The following PCCA variants were observed in gnomAD, a reference collection of about 807,000 sequenced individuals.
PCCA encodes propionyl-CoA carboxylase alpha chain, mitochondrial.
PCCA carries 74 observed loss-of-function variants against 101.3 expected under a neutral mutation model. The observed-to-expected ratio is 0.73, with a 90% CI of 0.61 to 0.89. PCCA has a LOEUF of 0.89. Among genes scored for constraint, PCCA ranks in the 40% least tolerant of loss-of-function variants. The pLI, the probability that PCCA is intolerant of heterozygous loss-of-function variation, is 0.00. For missense variants in PCCA, 891 were observed against 907.0 expected, an observed-to-expected ratio of 0.98 and a Z score of 0.23; for synonymous variants, 294 against 313.6, an observed-to-expected ratio of 0.94 and a Z score of 0.66.
chr13:100,336,987 C>G (rs751812855), intron 17 of PCCA, among the ~76,000 whole-genome samples: 50 of 151,992 alleles, frequency 3.3e-4, no homozygotes, highest in East Asian at 1.9e-4. Flanking sequence ...CACATGCACC[C>G]AGCAGCACCT....
At chr13:100,472,241 C>A (rs1256282940) in intron 21 of PCCA, among the ~76,000 whole-genome samples, 1 of 152,080 alleles carries the variant, frequency 6.6e-6, no homozygotes, top group Admixed American at 6.6e-5. Context: ...AACTTTTCCA[C>A]CGCAAGCATG....
chr13:100,194,066 G>T (rs146356658), intron 6 of PCCA, among the ~76,000 whole-genome samples: 1 of 148,930 alleles, frequency 6.7e-6, no homozygotes, highest in East Asian at 2.0e-4. Flanking sequence ...GCAAGCCTCC[G>T]TCTCAAAAAA....
rs752459931 is a variant in PCCA, at chr13:100,425,687, C to T, written c.1801C>T (p.Pro601Ser). ...GACCAGCACGTGGAACCTGGCTTCG[C>T]CCTTATTGTCTGTCAGCGTTGATGG... ...NVTSTWNLAS[P>S]LLSVSVDGTQ... Residue 601 changes from proline (P) to serine (S), a missense_variant, in exon 20 of 24, where the codon CCC (proline) becomes TCC (serine). Transcript: ENST00000376285. 13 of 1,614,034 alleles carry T rather than the reference C, an allele frequency of 8.1e-6. No individual in the cohort carries two copies. Among genetic ancestry groups the T allele is most frequent in the Non-Finnish European group, 1.1e-5 (13 of 1,179,990 alleles).
rs576412644 is a variant in PCCA at position 100,298,849 on chromosome 13, G to T, written c.1066-2611G>T. On this transcript the variant is annotated intron_variant, in intron 12 of 23. Transcript: ENST00000376285. The stretch of plus-strand genomic sequence containing the variant: ...CATTGCTAAGCACTTGGGAATAGGG[G>T]GATATTTGTGATTATTTAAGCAATG... Among the ~76,000 whole-genome samples, 7 of 150,606 alleles carry T rather than the reference G, an allele frequency of 4.6e-5. No individual in the cohort carries two copies. In the South Asian group the frequency reaches 1.5e-3, roughly 32 times the overall value.
chr13:100,388,005 T>G (rs1469561731), intron 19 of PCCA, among the ~76,000 whole-genome samples: 1 of 152,238 alleles, frequency 6.6e-6, no homozygotes, highest in African/African-American at 2.4e-5. Context: ...TGATTTTTAG[T>G]ATTAGCCCTG....
At chr13:100,389,989 G>A (rs1210561361) in intron 19 of PCCA, among the ~76,000 whole-genome samples, 1 of 152,228 alleles carries the variant, frequency 6.6e-6, no homozygotes, top group Non-Finnish European at 1.5e-5. Context: ...ACTGGAGGAA[G>A]AGGGCCTGCT....
chr13:100,525,081 G>C (rs547814918), intron 22 of PCCA, among the ~76,000 whole-genome samples: 12 of 152,198 alleles, frequency 7.9e-5, no homozygotes, highest in African/African-American at 2.9e-4. Context: ...AAGTAGACTA[G>C]TAGACACCAC....
At chr13:100,474,691 G>A (rs1225583378) in intron 21 of PCCA, among the ~76,000 whole-genome samples, 1 of 152,048 alleles carries the variant, frequency 6.6e-6, no homozygotes, top group Admixed American at 6.6e-5. Flanking sequence ...ATTTTACCAC[G>A]TTGCCCAGGC....
chr13:100,482,745 G>T (rs1298377183), intron 21 of PCCA, among the ~76,000 whole-genome samples: 1 of 152,158 alleles, frequency 6.6e-6, no homozygotes, highest in Admixed American at 6.5e-5. Context: ...CATGCCACGG[G>T]TGCAGTGGCT....
intron 21 of PCCA, among the ~76,000 whole-genome samples, chr13:100,499,299 A>G (rs968313900): frequency 1.3e-5 from 2 of 152,236 alleles, no homozygotes; most frequent in African/African-American, 4.8e-5. Flanking sequence ...ATCCCGGAAG[A>G]TAATCATTGT....
chr13:100,104,697 A>G (rs912690719), intron 2 of PCCA: 2 of 151,982 alleles, frequency 1.3e-5, no homozygotes, highest in African/African-American at 4.8e-5. Context: ...GTGATTTTCA[A>G]TTTTCCTTTT....
At chr13:100,245,809 A>C (rs954550846) in intron 8 of PCCA, among the ~76,000 whole-genome samples, 5 of 152,220 alleles carry the variant, frequency 3.3e-5, no homozygotes, top group Non-Finnish European at 5.9e-5. Context: ...CCTTGCCTAC[A>C]TCACTGTAAC....
At chr13:100,414,801 A>G (rs970673120) in intron 19 of PCCA, among the ~76,000 whole-genome samples, 37 of 152,050 alleles carry the variant, frequency 2.4e-4, no homozygotes, top group African/African-American at 8.0e-4. Context: ...TAAGTTAATA[A>G]TCATACTTTT....
intron 21 of PCCA, among the ~76,000 whole-genome samples, chr13:100,504,975 C>T (rs1262249271): frequency 2.0e-5 from 3 of 152,164 alleles, no homozygotes; most frequent in Non-Finnish European, 4.4e-5. Context: ...GAAGCAGGCA[C>T]TGTTATGATC....
At chr13:100,520,998 C>T (rs559057984) in intron 22 of PCCA, among the ~76,000 whole-genome samples, 1 of 152,288 alleles carries the variant, frequency 6.6e-6, no homozygotes, top group African/African-American at 2.4e-5. Context: ...AAAAAATCAT[C>T]CTTTCACGGA....
chr13:100,138,862 A>T (rs2051495441), intron 4 of PCCA, among the ~76,000 whole-genome samples: 1 of 148,126 alleles, frequency 6.8e-6, no homozygotes, highest in South Asian at 2.1e-4. Context: ...TTGAACCAGG[A>T]CAGTAGAGGT....
intron 20 of PCCA, among the ~76,000 whole-genome samples, chr13:100,428,841 G>A (rs753456225): frequency 2.0e-5 from 3 of 152,130 alleles, no homozygotes; most frequent in Admixed American, 6.5e-5. Flanking sequence ...AGCAAGGTGG[G>A]TAGGAACCGA....
At chr13:100,370,236 C>T (rs1453308413) in intron 19 of PCCA, among the ~76,000 whole-genome samples, 1 of 151,732 alleles carries the variant, frequency 6.6e-6, no homozygotes, top group African/African-American at 2.4e-5. Flanking sequence ...AGGTGCATGC[C>T]ACCACACCCA....
intron 22 of PCCA, among the ~76,000 whole-genome samples, chr13:100,523,798 CT>C: frequency 1.3e-5 from 2 of 152,348 alleles, no homozygotes; most frequent in African/African-American, 4.8e-5. Context: ...ATCAAAAAGA[CT>C]TGTGAGGCTT....
Sources: allele counts gnomAD v4.1 joint callset (sites outside exome capture counted in the v4.1 genomes callset), GRCh38; gene constraint gnomAD v4.1.1; transcripts MANE v1.5; gene names NCBI Gene and HGNC (gene_info 2026-07-23, HGNC 2026-07-21).